CFAP77: variants seen among roughly 807,000 people sequenced by gnomAD.
CFAP77 encodes the protein cilia and flagella associated protein 77, also known as cilia- and flagella-associated protein 77.
In CFAP77, 25 loss-of-function variants were observed where a neutral mutation model predicts 31.1. The observed-to-expected ratio is 0.80, with a 90% CI of 0.59 to 1.12. The LOEUF (loss-of-function observed/expected upper bound fraction) is 1.12, where lower values mean the gene tolerates loss of function less well. Among genes scored for constraint, CFAP77 ranks in the 50% most tolerant of loss-of-function variants. CFAP77 has a pLI of 0.00. For missense variants in CFAP77, 377 were observed against 397.3 expected (o/e 0.95, Z 0.44); for synonymous variants, 151 against 159.9 (o/e 0.94, Z 0.42).
intron 3 of CFAP77, among the ~76,000 whole-genome samples, chr9:132,504,023 A>G (rs941477679): frequency 6.6e-6 from 1 of 152,208 alleles, no homozygotes; most frequent in Admixed American, 6.5e-5. Flanking sequence ...TGGGTGACAG[A>G]GTGAGACTCC....
chr9:132,479,293 C>T (rs1851404370), intron 1 of CFAP77, among the ~76,000 whole-genome samples: 2 of 152,164 alleles, frequency 1.3e-5, no homozygotes, highest in African/African-American at 4.8e-5. Context: ...CATCTTTTGC[C>T]CTGGGTACCC....
intron 1 of CFAP77, among the ~76,000 whole-genome samples, chr9:132,438,199 CAAAAAAAAAA>C (rs954482789): frequency 1.5e-4 from 7 of 47,888 alleles, no homozygotes; most frequent in African/African-American, 5.3e-4. Flanking sequence ...GAGACGCCAT[CAAAAAAAAAA>C]AAAAAAAAAA....
rs757677751 is a variant in CFAP77, at chr9:132,498,629, C to T, written c.196-66C>T. The T allele has an allele frequency of 3.3e-5, 42 of 1,263,742 alleles. No homozygotes were observed. The highest frequency in any genetic ancestry group is 4.2e-5 in the Non-Finnish European group (37 of 884,866). The allele number at this position is 1,263,742 out of a possible 1,614,324, so 78.3% of individuals were successfully genotyped here. A position where few individuals can be genotyped will look rare whatever the true frequency, so the allele number is the denominator to read the frequency against. On this transcript the variant is annotated intron_variant, in intron 1 of 5. Transcript: ENST00000393216. This position sits in a 1 kb window ranked among gnomAD's most constrained non-coding sequence, Gnocchi z 4.2. ...CAGGCATCTGGTGCCTCCCTGCTGC[C>T]GGATTACAATACATTTGGTCTGAGA...
chr9:132,444,974 C>CTTTTT (rs564127221), intron 1 of CFAP77, among the ~76,000 whole-genome samples: 2 of 133,776 alleles, frequency 1.5e-5, no homozygotes, highest in Admixed American at 7.8e-5. Context: ...TTCTTTCTTT[C>CTTTTT]TTTTTTTTTT....
intron 3 of CFAP77, among the ~76,000 whole-genome samples, chr9:132,535,422 T>G (rs908164659): frequency 1.3e-5 from 2 of 152,104 alleles, no homozygotes; most frequent in Non-Finnish European, 2.9e-5. Flanking sequence ...TCTTTTAAAG[T>G]CACTTGAAGC....
At chr9:132,513,381 G>A (rs1852075287) in intron 3 of CFAP77, 1 of 1,523,406 alleles carries the variant, frequency 6.6e-7, no homozygotes, top group Admixed American at 2.2e-5. Context: ...CTTTAATATT[G>A]AAGAAATAAA....
chr9:132,464,009 G>C (rs1851108081), intron 1 of CFAP77, among the ~76,000 whole-genome samples: 1 of 152,334 alleles, frequency 6.6e-6, no homozygotes, highest in South Asian at 2.1e-4. Flanking sequence ...GGTCGGATGG[G>C]AATCACGGAA....
chr9:132,486,087 TA>T (rs1177478669), intron 1 of CFAP77, among the ~76,000 whole-genome samples: 574 of 36,738 alleles, frequency 0.016, 154 homozygotes, highest in East Asian at 0.073. Flanking sequence ...TATATATATA[TA>T]TATTTTTTTT....
intron 1 of CFAP77, among the ~76,000 whole-genome samples, chr9:132,436,901 C>T (rs1850513143): frequency 6.6e-6 from 1 of 151,948 alleles, no homozygotes; most frequent in Non-Finnish European, 1.5e-5. Flanking sequence ...CTGGATAGGG[C>T]CAGGAAGTGA....
chr9:132,541,026 C>T (rs955826952), intron 4 of CFAP77, among the ~76,000 whole-genome samples: 1 of 152,168 alleles, frequency 6.6e-6, no homozygotes, highest in African/African-American at 2.4e-5. Context: ...GGCTACAAAC[C>T]CCCCAAACGC....
At chr9:132,547,572 C>T (rs2119075070) in intron 5 of CFAP77, among the ~76,000 whole-genome samples, 1 of 152,354 alleles carries the variant, frequency 6.6e-6, no homozygotes, top group East Asian at 1.9e-4. Context: ...GGTGTGACTG[C>T]CACCGTTGGG....
chr9:132,456,280 G>A (rs138369289), intron 1 of CFAP77, among the ~76,000 whole-genome samples: 194 of 152,346 alleles, frequency 1.3e-3, no homozygotes, highest in African/African-American at 4.4e-3. Context: ...CACAGTAGCT[G>A]TTGTCCTGCC....
At chr9:132,568,717 T>G (rs1829919154) in intron 5 of CFAP77, among the ~76,000 whole-genome samples, 1 of 152,136 alleles carries the variant, frequency 6.6e-6, no homozygotes, top group South Asian at 2.1e-4. Flanking sequence ...ATAGATTTTT[T>G]TTTGGAGACA....
Position 132,572,855 on chromosome 9 carries a change from C to G in CFAP77, c.*345C>G. 3.2e-6 allele frequency: 1 copy of G among 313,876 alleles called. No homozygotes were observed. Among genetic ancestry groups the G allele is most frequent in the Non-Finnish European group, 5.8e-6 (1 of 171,136 alleles). The allele number at this position is 313,876 out of a possible 1,614,324, so 19.4% of individuals were successfully genotyped here. ...TTAGACTCCAGGCTAAGGGTCGATT[C>G]CATGGCTCTGCCCATTAAGTGTTAA... On this transcript the variant is annotated 3_prime_UTR_variant, in exon 6 of 6. Coordinates refer to ENST00000393216, the MANE Select transcript of CFAP77 (RefSeq NM_001282957.2).
rs1304341103 is a variant in CFAP77, at chr9:132,572,634, GA to G, written c.*125del. On this transcript the variant is annotated 3_prime_UTR_variant, in exon 6 of 6. Coordinates refer to ENST00000393216, the MANE Select transcript of CFAP77 (RefSeq NM_001282957.2). ...TGCAGGTTCTGCTTCAAGGAGCTCA[GA>G]TTCAAGTCTTAGGCTAATTGTTTTT... 2.0e-6 allele frequency: 2 copies of G among 995,044 alleles called. No homozygotes were observed. The allele number at this position is 995,044 out of a possible 1,614,324, so 61.6% of individuals were successfully genotyped here.
intron 1 of CFAP77, among the ~76,000 whole-genome samples, chr9:132,472,206 G>T (rs551001979): frequency 2.1e-4 from 32 of 152,290 alleles, no homozygotes; most frequent in African/African-American, 7.7e-4. Context: ...CCAGCACTGG[G>T]CACAGTCTCT....
At chr9:132,543,182 C>T in intron 5 of CFAP77, 135 bp downstream of exon 5, 1 of 693,224 alleles carries the variant, frequency 1.4e-6, no homozygotes, top group South Asian at 1.7e-5. Context: ...GCAGCAATCG[C>T]AACAGCTAAT....
chr9:132,485,659 A>G (rs1400304050), intron 1 of CFAP77, among the ~76,000 whole-genome samples: 1 of 152,118 alleles, frequency 6.6e-6, no homozygotes, highest in African/African-American at 2.4e-5. Context: ...CACACAGTGG[A>G]TAACCCACCA....
intron 1 of CFAP77, among the ~76,000 whole-genome samples, chr9:132,458,680 C>T (rs867835385): frequency 5.9e-5 from 9 of 152,314 alleles, no homozygotes; most frequent in African/African-American, 2.2e-4. Context: ...GCTAGTGAGA[C>T]TTAATTATAA....
Sources: allele counts gnomAD v4.1 joint callset (sites outside exome capture counted in the v4.1 genomes callset), GRCh38; gene constraint gnomAD v4.1.1; non-coding constraint Gnocchi (gnomAD v3.1); transcripts MANE v1.5; gene names NCBI Gene and HGNC (gene_info 2026-07-23, HGNC 2026-07-21).